Variants in CR1 observed in about 807,000 individuals in gnomAD.
The protein encoded by CR1 is complement C3b/C4b receptor 1 (Knops blood group).
Under a neutral mutation model 187.3 loss-of-function variants are expected in CR1, and 116 were observed. The observed-to-expected ratio is 0.62, with a 90% CI of 0.53 to 0.72. CR1 has a LOEUF of 0.72. CR1 is among the 30% of genes least tolerant of loss of function. The pLI, the probability that CR1 is intolerant of heterozygous loss-of-function variation, is 0.00. For synonymous variants in CR1, 576 were observed against 747.1 expected (o/e 0.77, Z 3.73); for missense variants, 1,731 against 2,110.7 (o/e 0.82, Z 3.52).
chr1:207,577,995 C>A lies in CR1; in HGVS notation c.4728C>A (p.Ser1576Arg). Residue 1576 changes from serine to arginine, a missense_variant, in exon 29 of 47, where the codon AGC (serine) becomes AGA (arginine). By Grantham distance (110) the Ser-to-Arg change is moderately radical (BLOSUM62 -1). Coordinates refer to ENST00000367049, the MANE Select transcript of CR1 (RefSeq NM_000651.6). ...TSNDDQVGIW[S>R]GPAPQCIIPN... Reference sequence around the variant, plus strand: ...ATGACGATCAAGTGGGCATCTGGAGCGGCCCCGCCCCTCAGTGCATTATAC... The same window carrying A: ...ATGACGATCAAGTGGGCATCTGGAGAGGCCCCGCCCCTCAGTGCATTATAC... 6.2e-7 allele frequency: 1 copy of A among 1,611,794 alleles called. No individual in the cohort carries two copies. Among genetic ancestry groups the A allele is most frequent in the South Asian group, 1.1e-5 (1 of 90,986 alleles).
chr1:207,503,519 G>A (rs141513026), intron 1 of CR1, among the ~76,000 whole-genome samples: 1 of 152,078 alleles, frequency 6.6e-6, no homozygotes, highest in African/African-American at 2.4e-5. Context: ...GGCTGCTTCC[G>A]TCCTTTGGCT....
At position 207,632,062 on chromosome 1, in the gene CR1, C is replaced by T. The variant is rs186385146; in HGVS notation, c.7457+1441C>T. Among the ~76,000 whole-genome samples, 105 of 152,116 alleles carry T rather than the reference C, an allele frequency of 6.9e-4. No homozygotes were observed. In the East Asian group the frequency reaches 0.018, roughly 27 times the overall value. Reference sequence around the variant, plus strand: ...AAAACATAAGTAGAAGCAATTCAAACTTTTCTAAACAAAAAATTACAGATT... The same window carrying T: ...AAAACATAAGTAGAAGCAATTCAAATTTTTCTAAACAAAAAATTACAGATT... On this transcript the variant is annotated intron_variant, in intron 46 of 46. Coordinates refer to ENST00000367049, the MANE Select transcript of CR1 (RefSeq NM_000651.6).
chr1:207,568,021 G>T lies in CR1; in HGVS notation c.4150G>T (p.Ala1384Ser). ...AGGGAATGGGGTTTGGAGCAGCCCT[G>T]CCCCTCGCTGTGGAATTCTGGGTTA... ...PQGNGVWSSPAPRCGILGHCQ... is the reference protein window; with the variant it reads ...PQGNGVWSSPSPRCGILGHCQ... Residue 1384 changes from alanine to serine, a missense_variant, in exon 25 of 47, where the codon GCC becomes TCC. Ala to Ser is a moderately conservative substitution (Grantham distance 99, BLOSUM62 1). Transcript: ENST00000367049. 6.2e-7 allele frequency: 1 copy of T among 1,610,648 alleles called. No homozygotes were observed. The highest frequency in any genetic ancestry group is 2.2e-5 in the East Asian group (1 of 44,880).
At chr1:207,593,769 A>G (rs1661347518) in intron 35 of CR1, among the ~76,000 whole-genome samples, 1 of 152,210 alleles carries the variant, frequency 6.6e-6, no homozygotes. Flanking sequence ...ACAAGAAAAA[A>G]CAACCCTATC....
chr1:207,587,952 T>A (rs920454406), intron 34 of CR1, among the ~76,000 whole-genome samples: 2 of 152,228 alleles, frequency 1.3e-5, no homozygotes, highest in Non-Finnish European at 2.9e-5. Flanking sequence ...TTACATTCAC[T>A]GTAGATCATC....
intron 35 of CR1, among the ~76,000 whole-genome samples, chr1:207,598,629 A>T (rs918547879): frequency 9.2e-5 from 14 of 152,288 alleles, no homozygotes; most frequent in Middle Eastern, 3.4e-3. Context: ...CATGTTGGCC[A>T]GGATGGTCTT....
chr1:207,621,956 T>C lies in CR1; in HGVS notation c.7253-17T>C. The C allele has an allele frequency of 6.3e-7, 1 of 1,592,138 alleles. No individual in the cohort carries two copies. The highest frequency in any genetic ancestry group is 2.2e-5 in the East Asian group (1 of 44,462). ...GCATGCCAGAGTGATGTTTTGTGAC[T>C]TTTGTCTTCCTTTTAGGTACACATG... On this transcript the variant is annotated splice_polypyrimidine_tract_variant and intron_variant, in intron 43 of 46. Transcript: ENST00000367049.
In CR1 at chr1:207,565,393, A is replaced by C. The variant is rs1181502059; in HGVS notation, c.3867-445A>C. On this transcript the variant is annotated intron_variant, in intron 23 of 46. Transcript: ENST00000367049. ...ATCACAGATGTGGAGATGAAAGGAC[A>C]ATCTCTGTTCTCTCGCCAGCTATTT... Among the ~76,000 whole-genome samples, 3 of 150,470 alleles carry C rather than the reference A, an allele frequency of 2.0e-5. 1 individual carries two copies. The highest frequency in any genetic ancestry group is 7.5e-5 in the African/African-American group (3 of 39,840).
chr1:207,498,877 C>CAAAAAAAAAAAAAAAAAAAAAAAAA (rs56044498), intron 1 of CR1, among the ~76,000 whole-genome samples: 6 of 50,106 alleles, frequency 1.2e-4, no homozygotes, highest in East Asian at 1.1e-3. Context: ...AACTCCAAAT[C>CAAAAAAAAAAAAAAAAAAAAAAAAA]AAAAAAAAAA....
intron 27 of CR1, among the ~76,000 whole-genome samples, chr1:207,573,948 A>G (rs570597436): frequency 6.6e-6 from 1 of 152,258 alleles, no homozygotes; most frequent in South Asian, 2.1e-4. Flanking sequence ...CCTAGACAAC[A>G]TGACAAAAAC....
At chr1:207,603,798 G>T (rs527517419) in intron 35 of CR1, among the ~76,000 whole-genome samples, 2 of 152,246 alleles carry the variant, frequency 1.3e-5, no homozygotes, top group Admixed American at 6.5e-5. Context: ...GAATTAAAGT[G>T]GTTTCGCATT....
intron 35 of CR1, among the ~76,000 whole-genome samples, chr1:207,590,755 G>A (rs896280739): frequency 1.3e-5 from 2 of 152,146 alleles, no homozygotes; most frequent in African/African-American, 4.8e-5. Context: ...CAAAATAAAG[G>A]GATGGAGGAA....
At chr1:207,636,642 A>G (rs1037624599) in intron 46 of CR1, among the ~76,000 whole-genome samples, 2 of 152,238 alleles carry the variant, frequency 1.3e-5, no homozygotes, top group Non-Finnish European at 2.9e-5. Flanking sequence ...CTGACTGAAC[A>G]GAAGAGTGCA....
intron 1 of CR1, among the ~76,000 whole-genome samples, chr1:207,497,860 C>T (rs1225210663): frequency 2.0e-5 from 3 of 152,132 alleles, no homozygotes; most frequent in Non-Finnish European, 4.4e-5. Context: ...AACTAAACTA[C>T]CTAGAAATTT....
intron 43 of CR1, 88 bp downstream of exon 43, chr1:207,620,153 T>A: frequency 7.6e-7 from 1 of 1,321,828 alleles, no homozygotes; most frequent in Non-Finnish European, 1.0e-6. Flanking sequence ...TGTAGTGTGA[T>A]GTTTATGGCA....
At chr1:207,637,295 T>C (rs928922783) in intron 46 of CR1, among the ~76,000 whole-genome samples, 1 of 152,202 alleles carries the variant, frequency 6.6e-6, no homozygotes. Flanking sequence ...GTTTGTCCTG[T>C]GCAATTGTGG....
chr1:207,622,787 A>G (rs539287624), intron 44 of CR1, among the ~76,000 whole-genome samples: 1 of 152,200 alleles, frequency 6.6e-6, no homozygotes, highest in South Asian at 2.1e-4. Flanking sequence ...AAACGTTACA[A>G]AACGGCTCAG....
intron 46 of CR1, among the ~76,000 whole-genome samples, chr1:207,638,862 G>C (rs958778345): frequency 1.3e-5 from 2 of 152,158 alleles, no homozygotes; most frequent in South Asian, 2.1e-4. Context: ...GATTTTTTGT[G>C]GGGGCTCCCC....
chr1:207,585,545 A>T (rs1661088654), intron 33 of CR1, among the ~76,000 whole-genome samples: 1 of 152,180 alleles, frequency 6.6e-6, no homozygotes, highest in Non-Finnish European at 1.5e-5. Flanking sequence ...CTTCAGGGCA[A>T]ACATTAGGCC....
Sources: gnomAD v4.1 joint callset for allele counts (sites outside exome capture counted in the v4.1 genomes callset) on GRCh38, gnomAD v4.1.1 for gene constraint, MANE v1.5 for transcripts, NCBI Gene and HGNC (gene_info 2026-07-23, HGNC 2026-07-21) for gene names.